Variants in TMEM38B observed in about 807,000 individuals in gnomAD.
The protein encoded by TMEM38B is trimeric intracellular cation channel type B.
TMEM38B carries 24 observed loss-of-function variants against 28.7 expected under a neutral mutation model. The ratio of observed to expected loss-of-function variants is 0.84; its 90% CI spans 0.61 to 1.18. The LOEUF (loss-of-function observed/expected upper bound fraction) is 1.18, where lower values mean the gene tolerates loss of function less well. Among genes scored for constraint, TMEM38B ranks in the 50% most tolerant of loss-of-function variants. TMEM38B has a pLI of 0.00. For missense variants in TMEM38B, 380 were observed against 350.9 expected (o/e 1.08, Z -0.66); for synonymous variants, 131 against 127.7 (o/e 1.03, Z -0.17).
rs1446806893 is a variant in TMEM38B, at chr9:105,746,988, T to C, written c.543-1085T>C. Among the ~76,000 whole-genome samples, 5 of 152,344 alleles carry C rather than the reference T, an allele frequency of 3.3e-5. No individual in the cohort carries two copies. The East Asian group carries it at 5.8e-4, about 18-fold the overall frequency. The stretch of plus-strand genomic sequence containing the variant: ...CTGGATTCGGTTTGCCAGTATTTTA[T>C]TGAGAATTTTTGCATCGATGTTCAT... On this transcript the variant is annotated intron_variant, in intron 4 of 5. Coordinates refer to ENST00000374692, the MANE Select transcript of TMEM38B (RefSeq NM_018112.3).
chr9:105,735,067 T>C (rs1002051368), intron 4 of TMEM38B, among the ~76,000 whole-genome samples: 7 of 152,132 alleles, frequency 4.6e-5, no homozygotes. Context: ...ATATTTACTG[T>C]ATTTTTTGTG....
chr9:105,765,426 G>T (rs1826337868), intron 5 of TMEM38B, among the ~76,000 whole-genome samples: 1 of 152,152 alleles, frequency 6.6e-6, no homozygotes, highest in Non-Finnish European at 1.5e-5. Flanking sequence ...TTGTATACCT[G>T]TGTAACTACT....
In TMEM38B at chr9:105,694,554, G is replaced by A; in HGVS notation, c.-107G>A. 2 of 736,800 alleles carry A rather than the reference G, an allele frequency of 2.7e-6. No individual in the cohort carries two copies. The highest frequency in any genetic ancestry group is 4.2e-6 in the Non-Finnish European group (2 of 473,588). The allele number at this position is 736,800 out of a possible 1,614,324, so 45.6% of individuals were successfully genotyped here. On this transcript the variant is annotated 5_prime_UTR_variant, in exon 1 of 6. Transcript: ENST00000374692. ...GGGCGCACGCGCGGAGCTGGAGCCG[G>A]CGCGGAGGAGCGGGCGGCCGCGGCT... is the stretch of plus-strand genomic sequence containing the variant.
chr9:105,747,356 A>G (rs1041098591), intron 4 of TMEM38B, among the ~76,000 whole-genome samples: 3 of 152,086 alleles, frequency 2.0e-5, no homozygotes, highest in Admixed American at 1.3e-4. Context: ...TTTCTAGTTT[A>G]TTTGTGTAGA....
intron 4 of TMEM38B, among the ~76,000 whole-genome samples, chr9:105,742,571 C>T (rs556293962): frequency 3.3e-4 from 51 of 152,292 alleles, no homozygotes; most frequent in Admixed American, 2.5e-3. Flanking sequence ...TAAATGCATT[C>T]TAATCTTTTA....
At chr9:105,709,001 T>C (rs1009085355) in intron 2 of TMEM38B, among the ~76,000 whole-genome samples, 2 of 152,068 alleles carry the variant, frequency 1.3e-5, no homozygotes, top group African/African-American at 4.8e-5. Context: ...TATTTTTTTT[T>C]TTTTTACTGT....
At chr9:105,756,644 A>G (rs533051884) in intron 5 of TMEM38B, among the ~76,000 whole-genome samples, 1 of 152,320 alleles carries the variant, frequency 6.6e-6, no homozygotes, top group East Asian at 1.9e-4. Context: ...TTTTCTTACA[A>G]TTGTTGCTGG....
In TMEM38B at chr9:105,776,439, ACT is replaced by A. The variant is rs1826720716; in HGVS notation, c.*2362_*2363del. ...AAGGTAGAGAGATGACAGAAGGGAG[ACT>A]CTGATTAGTGTATTTTTTTTTTGTC... On this transcript the variant is annotated 3_prime_UTR_variant, in exon 6 of 6. Coordinates refer to ENST00000374692, the MANE Select transcript of TMEM38B (RefSeq NM_018112.3). The A allele has an allele frequency of 6.6e-6, 1 of 151,684 alleles. No homozygotes were observed. Among genetic ancestry groups the A allele is most frequent in the South Asian group, 2.1e-4 (1 of 4,814 alleles). 9.4% of individuals were successfully genotyped at this position (151,684 alleles called of 1,614,324 possible).
At chr9:105,741,569 C>G (rs1389202503) in intron 4 of TMEM38B, among the ~76,000 whole-genome samples, 1 of 152,086 alleles carries the variant, frequency 6.6e-6, no homozygotes, top group Non-Finnish European at 1.5e-5. Context: ...AAAGGTTATC[C>G]TTGTTATATT....
chr9:105,770,833 G>T (rs552893621), intron 5 of TMEM38B, among the ~76,000 whole-genome samples: 26 of 152,280 alleles, frequency 1.7e-4, no homozygotes, highest in African/African-American at 6.0e-4. Context: ...TGAAGAGAGA[G>T]ATTAATTGTG....
chr9:105,751,092 T>C (rs1564410482), intron 5 of TMEM38B, among the ~76,000 whole-genome samples: 1 of 152,212 alleles, frequency 6.6e-6, no homozygotes, highest in South Asian at 2.1e-4. Flanking sequence ...GGATCCAAGA[T>C]GGCTGATTAG....
chr9:105,744,358 G>T (rs1019592775), intron 4 of TMEM38B, among the ~76,000 whole-genome samples: 3 of 151,904 alleles, frequency 2.0e-5, no homozygotes, highest in African/African-American at 7.2e-5. Context: ...GACAATAAAT[G>T]AGTATTGTCA....
chr9:105,759,668 A>C (rs1196339738), intron 5 of TMEM38B: 2 of 1,601,634 alleles, frequency 1.2e-6, no homozygotes, highest in Non-Finnish European at 1.7e-6. Flanking sequence ...ATAGAAGGAC[A>C]AAATACTAAA....
At chr9:105,748,415 A>G (rs1329973262) in intron 5 of TMEM38B, among the ~76,000 whole-genome samples, 2 of 152,216 alleles carry the variant, frequency 1.3e-5, no homozygotes, top group Non-Finnish European at 1.5e-5. Flanking sequence ...AGTGGCAGAT[A>G]GCCTAGTAGT....
chr9:105,709,294 A>G (rs770185467), intron 2 of TMEM38B, among the ~76,000 whole-genome samples: 9 of 152,166 alleles, frequency 5.9e-5, no homozygotes, highest in Non-Finnish European at 1.0e-4. Flanking sequence ...CTGCACAATA[A>G]ATCAGTTTAT....
rs3838844 is a variant in TMEM38B at position 105,700,011 on chromosome 9, CA to C, written c.112+5240del. Among the ~76,000 whole-genome samples, 22 of 152,272 alleles carry C rather than the reference CA, an allele frequency of 1.4e-4. No individual in the cohort carries two copies. In the East Asian group the frequency reaches 4.2e-3, roughly 29 times the overall value. ...TCTCTTAAGTCTTCATTAAAATAAA[CA>C]CATTTCTTCAATCCTACATTCACAT... On this transcript the variant is annotated intron_variant, in intron 1 of 5. Transcript: ENST00000374692.
At chr9:105,724,321 A>C (rs1235946395) in intron 4 of TMEM38B, among the ~76,000 whole-genome samples, 1 of 152,044 alleles carries the variant, frequency 6.6e-6, no homozygotes, top group African/African-American at 2.4e-5. Context: ...TGGATTAAAA[A>C]TAGATTATAA....
intron 2 of TMEM38B, 66 bp from the exon 3 acceptor site, chr9:105,721,471 G>T: frequency 8.5e-7 from 1 of 1,182,730 alleles, no homozygotes; most frequent in Non-Finnish European, 1.1e-6. Flanking sequence ...TTGCTGTTAG[G>T]TTAGATTTTA....
At chr9:105,738,534 G>C (rs770165281) in intron 4 of TMEM38B, among the ~76,000 whole-genome samples, 2 of 151,862 alleles carry the variant, frequency 1.3e-5, no homozygotes, top group Non-Finnish European at 2.9e-5. Flanking sequence ...GCAGTGCTAG[G>C]AACTTGTAGT....
Sources: gnomAD v4.1 joint callset for allele counts (sites outside exome capture counted in the v4.1 genomes callset) on GRCh38, gnomAD v4.1.1 for gene constraint, MANE v1.5 for transcripts, NCBI Gene and HGNC (gene_info 2026-07-23, HGNC 2026-07-21) for gene names.